CEP83: variants seen among roughly 807,000 people sequenced by gnomAD.
CEP83 encodes the protein centrosomal protein 83.
Under a neutral mutation model 101.9 loss-of-function variants are expected in CEP83, and 70 were observed. The ratio of observed to expected loss-of-function variants is 0.69; its 90% confidence interval spans 0.57 to 0.84. The LOEUF is 0.84. CEP83 is among the 40% of genes least tolerant of loss of function. The pLI, the probability that CEP83 is intolerant of heterozygous loss-of-function variation, is 0.00. For synonymous variants in CEP83, 264 were observed against 267.9 expected (o/e 0.99, Z 0.14); for missense variants, 715 against 787.2 (o/e 0.91, Z 1.10).
At chr12:94,286,921 T>A in the CEP83 span, among the ~76,000 whole-genome samples, 2 of 152,126 alleles carry the variant, frequency 1.3e-5, no homozygotes, top group Non-Finnish European at 2.9e-5. Flanking sequence ...GACAAAAATA[T>A]AGCATCTCAT....
Position 94,308,697 on chromosome 12 carries a change from G to T in CEP83, c.*116C>A. On this transcript the variant is annotated 3_prime_UTR_variant, in exon 17 of 17. Transcript: ENST00000397809. ...CATGTAGTAGGTACCTTTTCTTGAG[G>T]CACATTCAAGTGTTTTGGCAAACAG... is the stretch of plus-strand genomic sequence containing the variant. 1 of 666,512 alleles carries T rather than the reference G, an allele frequency of 1.5e-6. No individual in the cohort carries two copies. The allele number at this position is 666,512 out of a possible 1,614,324, so 41.3% of individuals were successfully genotyped here. A position where few individuals can be genotyped will look rare whatever the true frequency, so the allele number is the denominator to read the frequency against.
At chr12:94,339,489 A>G (rs539972623) in intron 11 of CEP83, among the ~76,000 whole-genome samples, 6 of 152,150 alleles carry the variant, frequency 3.9e-5, no homozygotes, top group Non-Finnish European at 5.9e-5. Context: ...ACTGAATTTT[A>G]ATTTTTTAAA....
At chr12:94,328,834 T>C (rs1285386546) in intron 14 of CEP83, among the ~76,000 whole-genome samples, 2 of 152,238 alleles carry the variant, frequency 1.3e-5, no homozygotes, top group Admixed American at 6.5e-5. Context: ...CAGAAACATG[T>C]AGATTTTAGT....
intron 14 of CEP83, among the ~76,000 whole-genome samples, chr12:94,330,160 A>C (rs538880074): frequency 6.6e-6 from 1 of 152,350 alleles, no homozygotes; most frequent in East Asian, 1.9e-4. Flanking sequence ...TCCTGCACCT[A>C]GAAGCATTTT....
intron 11 of CEP83, among the ~76,000 whole-genome samples, chr12:94,339,858 A>G (rs536917095): frequency 3.7e-4 from 56 of 152,360 alleles, no homozygotes; most frequent in Non-Finnish European, 6.2e-4. Flanking sequence ...CCAGGATACA[A>G]TAATTGATAG....
At chr12:94,280,743 T>TA in the CEP83 span, among the ~76,000 whole-genome samples, 1 of 152,224 alleles carries the variant, frequency 6.6e-6, no homozygotes, top group Non-Finnish European at 1.5e-5. Flanking sequence ...TGCAAATATG[T>TA]GGCTGTCACT....
At chr12:94,399,692 C>T (rs1476583107) in intron 6 of CEP83, among the ~76,000 whole-genome samples, 1 of 152,158 alleles carries the variant, frequency 6.6e-6, no homozygotes, top group Non-Finnish European at 1.5e-5. Context: ...CCACTGCATT[C>T]CAGCCTGGGC....
At chr12:94,355,313 GA>G (rs1039523227) in intron 11 of CEP83, among the ~76,000 whole-genome samples, 33 of 152,196 alleles carry the variant, frequency 2.2e-4, no homozygotes, top group Admixed American at 1.8e-3. Context: ...CTAACACCGT[GA>G]AACCCCATCT....
intron 6 of CEP83, among the ~76,000 whole-genome samples, chr12:94,390,676 C>A (rs192956455): frequency 4.1e-4 from 63 of 152,306 alleles, no homozygotes; most frequent in Middle Eastern, 6.8e-3. Context: ...TAACAAACTT[C>A]TCCAAGCTAA....
the CEP83 span, among the ~76,000 whole-genome samples, chr12:94,267,785 G>A: frequency 6.6e-6 from 1 of 152,094 alleles, no homozygotes; most frequent in Non-Finnish European, 1.5e-5. Flanking sequence ...TTCCTTTCAG[G>A]CATTTCCCCC....
chr12:94,425,896 G>A (rs138161993), intron 2 of CEP83, among the ~76,000 whole-genome samples: 10,527 of 152,130 alleles, frequency 0.069, 452 homozygotes, highest in Admixed American at 0.093. Flanking sequence ...CAAGGTGGGC[G>A]GATCACGAGG....
chr12:94,299,259 T>TTTG, the CEP83 span, among the ~76,000 whole-genome samples: 1 of 152,190 alleles, frequency 6.6e-6, no homozygotes, highest in Admixed American at 6.5e-5. Flanking sequence ...AAGTTTGTGT[T>TTTG]TTGTTTTATA....
intron 11 of CEP83, among the ~76,000 whole-genome samples, chr12:94,355,957 T>C (rs1444284491): frequency 1.3e-5 from 2 of 152,230 alleles, no homozygotes; most frequent in African/African-American, 4.8e-5. Context: ...GGCTCTCAGC[T>C]CTGAAGGCTG....
At position 94,309,956 on chromosome 12, in the gene CEP83, C is replaced by T. The variant is rs1255365224; in HGVS notation, c.1963G>A (p.Val655Ile). The T allele has an allele frequency of 4.3e-6, 7 of 1,609,918 alleles. No homozygotes were observed. The East Asian group carries it at 8.9e-5, about 21-fold the overall frequency. ...NPVSFQSSAMVPSMELPFPPH... is the reference protein window; with the variant it reads ...NPVSFQSSAMIPSMELPFPPH... ...GGAAATGGTAGTTCCATGCTTGGAA[C>T]CATGGCTGATGACTGAAAGCTAACA... is the stretch of plus-strand genomic sequence containing the variant. The change falls in exon 16 of 17, where the codon GTT becomes ATT. Residue 655 changes from valine to isoleucine, a missense_variant. Transcript: ENST00000397809.
At chr12:94,431,645 T>C (rs2065634148) in intron 2 of CEP83, among the ~76,000 whole-genome samples, 1 of 149,986 alleles carries the variant, frequency 6.7e-6, no homozygotes, top group Non-Finnish European at 1.5e-5. Context: ...CAAACATTTC[T>C]CAAAAGAATA....
the CEP83 span, among the ~76,000 whole-genome samples, chr12:94,266,412 G>A: frequency 2.8e-4 from 43 of 152,338 alleles, no homozygotes; most frequent in South Asian, 1.4e-3. Flanking sequence ...TGAGAGGCCG[G>A]AGAGTGGGCT....
chr12:94,320,337 T>G (rs2058695527), intron 14 of CEP83, among the ~76,000 whole-genome samples: 1 of 152,208 alleles, frequency 6.6e-6, no homozygotes, highest in Non-Finnish European at 1.5e-5. Flanking sequence ...ACTTAGCCCA[T>G]TTATATTCAA....
chr12:94,303,920 G>C, downstream of CEP83: 1 of 1,607,978 alleles, frequency 6.2e-7, no homozygotes, highest in Non-Finnish European at 8.5e-7. Context: ...GCAGAAATAA[G>C]CTTATATTTG....
At chr12:94,445,272 T>TACACAC (rs3069395) in intron 1 of CEP83, among the ~76,000 whole-genome samples, 2,163 of 150,290 alleles carry the variant, frequency 0.014, 24 homozygotes, top group Non-Finnish European at 0.022. Context: ...GCCTTTTCCA[T>TACACAC]ACACACACAC....
Sources: allele counts gnomAD v4.1 joint callset (sites outside exome capture counted in the v4.1 genomes callset), GRCh38; gene constraint gnomAD v4.1.1; transcripts MANE v1.5; gene names NCBI Gene and HGNC (gene_info 2026-07-23, HGNC 2026-07-21).